TTK: variants seen among roughly 807,000 people sequenced by gnomAD.
TTK encodes the protein dual specificity protein kinase TTK.
In TTK, 59 loss-of-function variants were observed where a neutral mutation model predicts 117.3. The ratio of observed to expected loss-of-function variants is 0.50; its 90% CI spans 0.41 to 0.62. The LOEUF (loss-of-function observed/expected upper bound fraction) is 0.62. Among genes scored for constraint, TTK ranks in the 20% least tolerant of loss-of-function variants. The pLI, the probability that TTK is intolerant of heterozygous loss-of-function variation, is 0.00. For synonymous variants in TTK, 302 were observed against 325.0 expected, an observed-to-expected ratio of 0.93 and a Z score of 0.76; for missense variants, 921 against 989.4, an observed-to-expected ratio of 0.93 and a Z score of 0.93.
In TTK at chr6:80,035,344, A is replaced by C; in HGVS notation, c.1851A>C (p.Lys617Asn). The stretch of plus-strand genomic sequence containing the variant: ...TTAATAGTTGGCTTAAAAAGAAAAA[A>C]TCCATTGATCCATGGGAACGCAAGA... ...IDLNSWLKKK[K>N]SIDPWERKSY... The change falls in exon 16 of 22, where the codon AAA becomes AAC. Residue 617 changes from lysine to asparagine, a missense_variant. Transcript: ENST00000369798. 6.2e-7 allele frequency: 1 copy of C among 1,612,754 alleles called. No individual in the cohort carries two copies. Among genetic ancestry groups the C allele is most frequent in the Non-Finnish European group, 8.5e-7 (1 of 1,179,286 alleles).
In TTK at chr6:80,026,450, T is replaced by C. The variant is rs1767607691; in HGVS notation, c.1330T>C (p.Trp444Arg). Residue 444 changes from tryptophan to arginine, a missense_variant, in exon 12 of 22, where the codon TGG becomes CGG. Physicochemically the swap from Trp to Arg is moderately radical, Grantham distance 101 (BLOSUM62 -3). Transcript: ENST00000369798. ...GTCACCACCAATATCAACATCTAAA[T>C]GGTTTGACCCAAAATCTATTTGTAA... Reference protein sequence around the residue: ...KQSPPISTSKWFDPKSICKTP... With the variant: ...KQSPPISTSKRFDPKSICKTP... 6.2e-7 allele frequency: 1 copy of C among 1,613,808 alleles called. No homozygotes were observed. Among genetic ancestry groups the C allele is most frequent in the Non-Finnish European group, 8.5e-7 (1 of 1,179,902 alleles).
rs141223517 is a variant in TTK, at chr6:80,039,778, T to C, written c.2213T>C (p.Ile738Thr). ...GGGAAAACACCATTTCAGCAGATAA[T>C]TAATCAGATTTCTAAATTACATGCC... Reference protein sequence around the residue: ...TYGKTPFQQIINQISKLHAII... With the variant: ...TYGKTPFQQITNQISKLHAII... The change falls in exon 19 of 22, where the codon ATT becomes ACT. Residue 738 changes from isoleucine (I) to threonine (T), a missense_variant. Coordinates refer to ENST00000369798, the MANE Select transcript of TTK (RefSeq NM_003318.5). 3.2e-6 allele frequency: 5 copies of C among 1,587,058 alleles called. No individual in the cohort carries two copies. Among genetic ancestry groups the C allele is most frequent in the Non-Finnish European group, 4.3e-6 (5 of 1,167,696 alleles).
intron 13 of TTK, among the ~76,000 whole-genome samples, chr6:80,029,884 G>C (rs1283607924): frequency 6.6e-6 from 1 of 152,182 alleles, no homozygotes; most frequent in African/African-American, 2.4e-5. Context: ...GTCAGCAGCC[G>C]TGGAGAAAGG....
In TTK at chr6:80,039,812, T is replaced by C; in HGVS notation, c.2247T>C (p.Asp749=). 1 of 1,588,990 alleles carries C rather than the reference T, an allele frequency of 6.3e-7. No individual in the cohort carries two copies. ...NQISKLHAII[D]PNHEIEFPDI... ...TTTCTAAATTACATGCCATAATTGATCCTAATCATGAAATTGAATTTCCCG... is the reference window on the plus strand; with the variant it reads ...TTTCTAAATTACATGCCATAATTGACCCTAATCATGAAATTGAATTTCCCG... The change falls in exon 19 of 22, where the codon GAT becomes GAC. Residue 749 remains aspartate, a synonymous_variant. Transcript: ENST00000369798.
chr6:80,017,703 C>CT (rs1409514892), intron 10 of TTK, among the ~76,000 whole-genome samples: 1 of 152,150 alleles, frequency 6.6e-6, no homozygotes, highest in East Asian at 1.9e-4. Context: ...ACACTAGAAT[C>CT]TATCTTTTGG....
At chr6:80,013,646 G>C (rs939042151) in intron 9 of TTK, 2 of 213,118 alleles carry the variant, frequency 9.4e-6, no homozygotes, top group African/African-American at 4.6e-5. Context: ...TAGTTGGCCT[G>C]GGTTTGGGAA....
At chr6:80,009,012 T>C (rs1474511559) in intron 4 of TTK, among the ~76,000 whole-genome samples, 1 of 149,930 alleles carries the variant, frequency 6.7e-6, no homozygotes. Context: ...TAAACTGCTG[T>C]AGAAACTATT....
At chr6:80,020,726 G>C (rs984993380) in intron 10 of TTK, among the ~76,000 whole-genome samples, 1 of 152,222 alleles carries the variant, frequency 6.6e-6, no homozygotes, top group Non-Finnish European at 1.5e-5. Flanking sequence ...GTCCAAAAGA[G>C]GATGACAAAA....
chr6:80,005,647 C>T (rs530655588), intron 1 of TTK, among the ~76,000 whole-genome samples, 195 bp from the exon 2 acceptor site: 1 of 152,272 alleles, frequency 6.6e-6, no homozygotes, highest in South Asian at 2.1e-4. Context: ...GCCTATGAAA[C>T]CTTGGTGAAT....
chr6:80,008,342 C>T lies in TTK; in HGVS notation c.363-44C>T, dbSNP rs372002821. ...ATGAAGCATTATCAAATTTAAGTAG[C>T]TATGTTCTTTTTCTTAAATTTTGAC... On this transcript the variant is annotated intron_variant, in intron 3 of 21. Coordinates refer to ENST00000369798, the MANE Select transcript of TTK (RefSeq NM_003318.5). The T allele has an allele frequency of 3.2e-6, 5 of 1,553,278 alleles. No homozygotes were observed. The African/African-American group carries it at 6.9e-5, about 21-fold the overall frequency.
At chr6:80,005,062 A>G (rs1766952186) in intron 1 of TTK, 1 of 152,224 alleles carries the variant, frequency 6.6e-6, no homozygotes, top group Non-Finnish European at 1.5e-5. Context: ...GTGATCTGAC[A>G]GTTATCTTTC....
chr6:80,024,036 A>T (rs1228152059), intron 11 of TTK, among the ~76,000 whole-genome samples: 1 of 152,228 alleles, frequency 6.6e-6, no homozygotes, highest in Non-Finnish European at 1.5e-5. Flanking sequence ...ATCATTAAAG[A>T]AATGCAAAGC....
chr6:80,022,485 C>T lies in TTK; in HGVS notation c.1257+13C>T. On this transcript the variant is annotated intron_variant, in intron 11 of 21. Transcript: ENST00000369798. ...AGTTAATACAGAGGTAACTTTTCCA[C>T]TAAAGTACAATATTGCTTTTTTGTT... is the stretch of plus-strand genomic sequence containing the variant. 1 of 1,609,944 alleles carries T rather than the reference C, an allele frequency of 6.2e-7. No homozygotes were observed. Among genetic ancestry groups the T allele is most frequent in the East Asian group, 2.2e-5 (1 of 44,800 alleles).
In TTK at chr6:80,007,991, A is replaced by ACAAT; in HGVS notation, c.322_323insCAAT (p.Ser108ThrfsTer5). 3 of 1,591,578 alleles carry ACAAT rather than the reference A, an allele frequency of 1.9e-6. No homozygotes were observed. Among genetic ancestry groups the ACAAT allele is most frequent in the African/African-American group, 1.3e-5 (1 of 74,520 alleles). On this transcript the variant is annotated frameshift_variant, in exon 3 of 22. Coordinates refer to ENST00000369798, the MANE Select transcript of TTK (RefSeq NM_003318.5). LOFTEE classifies it high-confidence loss of function. ...CCCAGATAAATATGGCCAAAATGAG[A>ACAAT]GTTTTGCTAGAATTCAAGTGAGATT... is the stretch of plus-strand genomic sequence containing the variant.
chr6:80,014,392 A>G (rs1767248238), intron 9 of TTK, 71 bp from the exon 10 acceptor site: 2 of 1,393,856 alleles, frequency 1.4e-6, no homozygotes, highest in Admixed American at 2.5e-5. Context: ...AGACTTTAGT[A>G]TATTGAACAG....
At chr6:80,018,449 C>A (rs1767369549) in intron 10 of TTK, among the ~76,000 whole-genome samples, 1 of 126,346 alleles carries the variant, frequency 7.9e-6, no homozygotes, top group Admixed American at 9.2e-5. Context: ...AACCCCATCT[C>A]TGCTAAAAAT....
intron 21 of TTK, among the ~76,000 whole-genome samples, chr6:80,041,098 C>G (rs534265888): frequency 1.9e-4 from 29 of 151,834 alleles, no homozygotes; most frequent in African/African-American, 7.0e-4. Flanking sequence ...CTGTACACAG[C>G]AATCAACACA....
At chr6:80,008,295 C>G in intron 3 of TTK, 91 bp from the exon 4 acceptor site, 1 of 1,274,998 alleles carries the variant, frequency 7.8e-7, no homozygotes, top group Non-Finnish European at 1.1e-6. Context: ...AAAGCAATAT[C>G]CCATGTTTTT....
chr6:80,026,042 AAC>A (rs1380790255), intron 11 of TTK, among the ~76,000 whole-genome samples: 4 of 152,152 alleles, frequency 2.6e-5, no homozygotes, highest in African/African-American at 9.7e-5. Context: ...GATTTTCAGA[AAC>A]ACAGGATACT....
Sources: allele counts gnomAD v4.1 joint callset (sites outside exome capture counted in the v4.1 genomes callset), GRCh38; gene constraint gnomAD v4.1.1; transcripts MANE v1.5; gene names NCBI Gene and HGNC (gene_info 2026-07-23, HGNC 2026-07-21).